SYBU: variants seen among roughly 807,000 people sequenced by gnomAD.
SYBU encodes syntabulin, also known as GOLSYN A protein.
A neutral mutation model predicts 35.9 loss-of-function variants in SYBU; 21 were observed. The ratio of observed to expected loss-of-function variants is 0.58; its 90% CI spans 0.41 to 0.84. The LOEUF (loss-of-function observed/expected upper bound fraction) is 0.84, where lower values mean the gene tolerates loss of function less well. SYBU is among the 40% of genes least tolerant of loss of function. The pLI is 0.00. For missense variants in SYBU, 768 were observed against 848.2 expected, an observed-to-expected ratio of 0.91 and a Z score of 1.17; for synonymous variants, 319 against 324.3, an observed-to-expected ratio of 0.98 and a Z score of 0.18.
rs1563671170 is a variant in SYBU at position 109,576,151 on chromosome 8, T to G, written c.885-138A>C. On this transcript the variant is annotated intron_variant, in intron 6 of 6. Coordinates refer to ENST00000276646, the MANE Select transcript of SYBU (RefSeq NM_001099754.2). The stretch of plus-strand genomic sequence containing the variant: ...TACTCTTCCACTTGAAATACAGATG[T>G]GAAATCAGTTTTCAATGCAGGGAAC... 1.7e-5 allele frequency: 19 copies of G among 1,114,038 alleles called. No homozygotes were observed. The East Asian group carries it at 4.8e-4, about 28-fold the overall frequency. 69.0% of individuals were successfully genotyped at this position (1,114,038 alleles called of 1,614,324 possible). A position where few individuals can be genotyped will look rare whatever the true frequency, so the allele number is the denominator to read the frequency against.
At chr8:109,616,861 C>T (rs113364314) in intron 3 of SYBU, among the ~76,000 whole-genome samples, 1 of 151,870 alleles carries the variant, frequency 6.6e-6, no homozygotes, top group Non-Finnish European at 1.5e-5. Context: ...ATGGTAGGGC[C>T]AGCACAGTGG....
intron 1 of SYBU, among the ~76,000 whole-genome samples, chr8:109,690,813 C>A (rs1485492854): frequency 6.6e-6 from 1 of 152,184 alleles, no homozygotes; most frequent in East Asian, 1.9e-4. Context: ...CATCCTTTCT[C>A]ACCTGGAATA....
upstream of SYBU, among the ~76,000 whole-genome samples, chr8:109,649,295 C>A (rs767697454): frequency 6.6e-6 from 1 of 152,010 alleles, no homozygotes; most frequent in Non-Finnish European, 1.5e-5. Context: ...AGCCACCGTG[C>A]CCAGCCCAAC....
intron 1 of SYBU, among the ~76,000 whole-genome samples, chr8:109,657,617 G>A (rs1235591407): frequency 1.3e-5 from 2 of 152,174 alleles, no homozygotes; most frequent in African/African-American, 2.4e-5. Flanking sequence ...AATGACTGCA[G>A]AATACAAATC....
At chr8:109,594,715 T>C (rs917144445) in intron 3 of SYBU, among the ~76,000 whole-genome samples, 1 of 152,108 alleles carries the variant, frequency 6.6e-6, no homozygotes, top group East Asian at 1.9e-4. Flanking sequence ...CGTGGCTCAC[T>C]CCCTGGATTT....
At chr8:109,606,481 G>C (rs1044820219) in intron 3 of SYBU, among the ~76,000 whole-genome samples, 4 of 152,108 alleles carry the variant, frequency 2.6e-5, no homozygotes, top group African/African-American at 9.7e-5. Context: ...TACTATGCTG[G>C]TTTTTAGAGG....
upstream of SYBU, chr8:109,645,171 G>A: frequency 2.2e-6 from 1 of 457,432 alleles, no homozygotes; most frequent in South Asian, 1.5e-5. Flanking sequence ...CGACATCACA[G>A]AGAGACAAAA....
chr8:109,689,856 C>A lies in SYBU; in HGVS notation c.-58+1477G>T, dbSNP rs1001664774. Among the ~76,000 whole-genome samples the A allele has an allele frequency of 9.4e-5, 12 of 128,166 alleles. No homozygotes were observed. In the East Asian group the frequency reaches 1.6e-3, roughly 17 times the overall value. The allele number at this position is 128,166 out of a possible 152,430, so 84.1% of individuals were successfully genotyped here. A position where few individuals can be genotyped will look rare whatever the true frequency, so the allele number is the denominator to read the frequency against. On this transcript the variant is annotated intron_variant, in intron 1 of 7. Coordinates refer to the SYBU transcript ENST00000422135. ...TGAAAAAAAAAAAAAAAAAAAAAAA[C>A]CATGACTATTAGAGACAGCTGGTTC...
rs533879588 is a variant in SYBU, at chr8:109,595,614, G to A, written c.428-9452C>T. 3.2e-4 allele frequency among the ~76,000 whole-genome samples: 49 copies of A among 152,340 alleles called. 1 individual carries two copies. The highest frequency in any genetic ancestry group is 1.9e-3 in the South Asian group (9 of 4,832). On this transcript the variant is annotated intron_variant, in intron 3 of 6. Coordinates refer to ENST00000276646, the MANE Select transcript of SYBU (RefSeq NM_001099754.2). ...CAATGGGAAAGACTGTTTCCTGCTG[G>A]AAGCATGAAGACTTCATGGAGGAGG...
At chr8:109,670,305 T>C (rs1379687738) in intron 1 of SYBU, among the ~76,000 whole-genome samples, 1 of 151,946 alleles carries the variant, frequency 6.6e-6, no homozygotes, top group Non-Finnish European at 1.5e-5. Flanking sequence ...CGTGCAGTTT[T>C]GTTACATATG....
At chr8:109,607,285 TTAACTG>T (rs1826161283) in intron 3 of SYBU, among the ~76,000 whole-genome samples, 1 of 152,198 alleles carries the variant, frequency 6.6e-6, no homozygotes, top group South Asian at 2.1e-4. Context: ...TCCATGAACA[TTAACTG>T]TTTCAGAATT....
rs1405938821 is a variant in SYBU at position 109,643,147 on chromosome 8, G to GCGCA, written c.25-216_25-215insTGCG. 10 of 1,142,302 alleles carry GCGCA rather than the reference G, an allele frequency of 8.8e-6. No homozygotes were observed. The African/African-American group carries it at 1.3e-4, about 15-fold the overall frequency. 70.8% of individuals were successfully genotyped at this position (1,142,302 alleles called of 1,614,324 possible). ...CTACTGAATAGCACATGTCTGTGTG[G>GCGCA]CACACACACACACACACACACACAC... On this transcript the variant is annotated intron_variant, in intron 1 of 6. Coordinates refer to ENST00000276646, the MANE Select transcript of SYBU (RefSeq NM_001099754.2).
chr8:109,688,940 T>C (rs1191423941), intron 1 of SYBU, among the ~76,000 whole-genome samples: 1 of 152,184 alleles, frequency 6.6e-6, no homozygotes, highest in African/African-American at 2.4e-5. Flanking sequence ...TCCAGCATGA[T>C]TAGTTACATC....
exon 1 of SYBU, chr8:109,681,000 G>T (rs187100200): frequency 6.6e-6 from 1 of 152,234 alleles, no homozygotes; most frequent in Non-Finnish European, 1.5e-5. Context: ...TAAATATCCT[G>T]ATGGGAAGAA....
chr8:109,623,438 A>T (rs1812655175), intron 2 of SYBU, among the ~76,000 whole-genome samples: 2 of 152,164 alleles, frequency 1.3e-5, no homozygotes, highest in Admixed American at 1.3e-4. Context: ...AGATCCAGGA[A>T]CCTCAGAGGT....
At chr8:109,596,927 A>G (rs1032000592) in intron 3 of SYBU, among the ~76,000 whole-genome samples, 2 of 152,192 alleles carry the variant, frequency 1.3e-5, no homozygotes, top group African/African-American at 4.8e-5. Flanking sequence ...ACAGATTTGT[A>G]CTTTTATTTA....
At chr8:109,621,807 C>T (rs778734690) in intron 2 of SYBU, among the ~76,000 whole-genome samples, 1 of 152,220 alleles carries the variant, frequency 6.6e-6, no homozygotes, top group African/African-American at 2.4e-5. Context: ...CTAATGCACC[C>T]GACACTAACA....
At chr8:109,656,247 T>G (rs1816349988) in intron 1 of SYBU, among the ~76,000 whole-genome samples, 1 of 152,360 alleles carries the variant, frequency 6.6e-6, no homozygotes, top group Non-Finnish European at 1.5e-5. Flanking sequence ...GTAGCCAATT[T>G]CCTAATGCTT....
chr8:109,691,506 G>A lies in SYBU; in HGVS notation c.-231C>T, dbSNP rs1817645832. 8.0e-6 allele frequency: 4 copies of A among 502,584 alleles called. No individual in the cohort carries two copies. The highest frequency in any genetic ancestry group is 5.1e-4 in the Middle Eastern group (1 of 1,946). 31.1% of individuals were successfully genotyped at this position (502,584 alleles called of 1,614,324 possible). The stretch of plus-strand genomic sequence containing the variant: ...CGGCCCGCTCCGCCCGCCTTAGCCC[G>A]GCTTGGACACGTGGTGCCGCGGAAT... On this transcript the variant is annotated 5_prime_UTR_variant, in exon 1 of 8. Transcript: ENST00000422135. The surrounding 1 kb of genome is among the most constrained non-coding windows in gnomAD (Gnocchi z 4.7).
Sources: gnomAD v4.1 joint callset for allele counts (sites outside exome capture counted in the v4.1 genomes callset) on GRCh38, gnomAD v4.1.1 for gene constraint, Gnocchi (gnomAD v3.1) non-coding constraint, MANE v1.5 for transcripts, NCBI Gene and HGNC (gene_info 2026-07-23, HGNC 2026-07-21) for gene names.